TIAM1: variants seen among roughly 807,000 people sequenced by gnomAD.
TIAM1 encodes rho guanine nucleotide exchange factor TIAM1.
Under a neutral mutation model 163.5 loss-of-function variants are expected in TIAM1, and 65 were observed. The ratio of observed to expected loss-of-function variants is 0.40; its 90% CI spans 0.33 to 0.49. TIAM1 has a LOEUF of 0.49. Among genes scored for constraint, TIAM1 ranks in the 20% least tolerant of loss-of-function variants. TIAM1 has a pLI of 0.77. For missense variants in TIAM1, 1,789 were observed against 2,044.7 expected (o/e 0.87, Z 2.41); for synonymous variants, 833 against 810.1 (o/e 1.03, Z -0.48).
chr21:31,386,722 T>C (rs1199983519), intron 2 of TIAM1, among the ~76,000 whole-genome samples: 2 of 152,024 alleles, frequency 1.3e-5, no homozygotes, highest in Non-Finnish European at 2.9e-5. Context: ...GCCAGGTACA[T>C]ACATCTTAGG....
chr21:31,273,030 G>A (rs1489259539), intron 3 of TIAM1, among the ~76,000 whole-genome samples: 1 of 152,094 alleles, frequency 6.6e-6, no homozygotes, highest in Non-Finnish European at 1.5e-5. Flanking sequence ...TCTTGCCCCA[G>A]CTAATGACAA....
intron 1 of TIAM1, among the ~76,000 whole-genome samples, chr21:31,554,360 C>G (rs1293713912): frequency 6.6e-6 from 1 of 152,130 alleles, no homozygotes; most frequent in Non-Finnish European, 1.5e-5. Flanking sequence ...ATAAATAATA[C>G]AGGTGTTATT....
chr21:31,210,286 C>T, intron 10 of TIAM1, 71 bp from the exon 11 acceptor site: 2 of 1,511,140 alleles, frequency 1.3e-6, no homozygotes, highest in Non-Finnish European at 9.0e-7. Context: ...CCAGACTGCA[C>T]ACAGGAATCA....
chr21:31,396,873 C>A (rs1179249534), intron 2 of TIAM1, among the ~76,000 whole-genome samples: 1 of 151,986 alleles, frequency 6.6e-6, no homozygotes, highest in Non-Finnish European at 1.5e-5. Flanking sequence ...ATCACTTGAA[C>A]CTGGGGTGGA....
intron 19 of TIAM1, among the ~76,000 whole-genome samples, chr21:31,147,579 G>A (rs1360533017): frequency 4.0e-5 from 6 of 150,700 alleles, no homozygotes; most frequent in African/African-American, 1.5e-4. Flanking sequence ...CTGGGTAGAG[G>A]CCTTCTCATT....
At chr21:31,419,528 T>A (rs1010907799) in intron 2 of TIAM1, among the ~76,000 whole-genome samples, 8 of 152,236 alleles carry the variant, frequency 5.3e-5, no homozygotes, top group African/African-American at 1.9e-4. Context: ...CAGACGCTGA[T>A]GACAGCATTT....
intron 2 of TIAM1, among the ~76,000 whole-genome samples, chr21:31,332,762 T>C (rs1351422361): frequency 6.6e-6 from 1 of 151,538 alleles, no homozygotes; most frequent in Non-Finnish European, 1.5e-5. Context: ...ACACTATGTA[T>C]GTGATCATTA....
chr21:31,153,384 T>C (rs2083468842), intron 17 of TIAM1, among the ~76,000 whole-genome samples: 1 of 152,142 alleles, frequency 6.6e-6, no homozygotes, highest in African/African-American at 2.4e-5. Context: ...CTTCTTCAAC[T>C]GTAGCACCCA....
intron 16 of TIAM1, among the ~76,000 whole-genome samples, chr21:31,164,197 T>C (rs546087263): frequency 6.6e-6 from 1 of 152,294 alleles, no homozygotes; most frequent in East Asian, 1.9e-4. Context: ...GAGACCATCC[T>C]GGCTAACACG....
At chr21:31,515,814 A>G (rs367999087) in intron 1 of TIAM1, among the ~76,000 whole-genome samples, 2 of 152,198 alleles carry the variant, frequency 1.3e-5, no homozygotes, top group East Asian at 1.9e-4. Flanking sequence ...GTAAGATTCT[A>G]AAACACACCA....
In TIAM1 at chr21:31,359,406, T is replaced by C. The variant is rs145420840; in HGVS notation, c.-368-19984A>G. ...TAAATACATTTGTTGAGTGAACAAA[T>C]AGTATTTGCTCTTCACAAGATTAGG... On this transcript the variant is annotated intron_variant, in intron 2 of 28. Coordinates refer to the TIAM1 transcript ENST00000286827. Among the ~76,000 whole-genome samples, 168 of 152,168 alleles carry C rather than the reference T, an allele frequency of 1.1e-3. 1 individual carries two copies. Among genetic ancestry groups the C allele is most frequent in the African/African-American group, 3.8e-3 (158 of 41,502 alleles).
intron 2 of TIAM1, among the ~76,000 whole-genome samples, chr21:31,418,562 A>G (rs1267215191): frequency 6.6e-6 from 1 of 152,118 alleles, no homozygotes; most frequent in African/African-American, 2.4e-5. Flanking sequence ...GACCTGCAGC[A>G]TCCTGGCGAG....
intron 1 of TIAM1, among the ~76,000 whole-genome samples, chr21:31,556,190 CAAG>C (rs1449835938): frequency 1.3e-5 from 2 of 152,132 alleles, no homozygotes; most frequent in African/African-American, 4.8e-5. Flanking sequence ...AGAACAAGTA[CAAG>C]AAGGATGAGA....
At chr21:31,144,777 C>T (rs1373429648) in intron 20 of TIAM1, among the ~76,000 whole-genome samples, 12 of 133,160 alleles carry the variant, frequency 9.0e-5, no homozygotes, top group Non-Finnish European at 1.4e-4. Context: ...TGCAGTGAGC[C>T]GAGATCACAC....
At chr21:31,138,788 T>C (rs1464408709) in intron 22 of TIAM1, among the ~76,000 whole-genome samples, 1 of 152,212 alleles carries the variant, frequency 6.6e-6, no homozygotes, top group Non-Finnish European at 1.5e-5. Flanking sequence ...AAGACTTGAG[T>C]AAAACCAACT....
rs180896564 is a variant in TIAM1, at chr21:31,298,599, T to C, written c.-188-21691A>G. On this transcript the variant is annotated intron_variant, in intron 2 of 27. Coordinates refer to ENST00000541036, the MANE Select transcript of TIAM1 (RefSeq NM_001353694.2). ...CTCTCTAATTGTCTGTCTTCCCTCA[T>C]CTAAAACTTTCCATCAACCATAAAA... 6.2e-3 allele frequency among the ~76,000 whole-genome samples: 940 copies of C among 152,218 alleles called. 8 individuals are homozygous for C. The highest frequency in any genetic ancestry group is 0.022 in the African/African-American group (907 of 41,532).
chr21:31,318,270 G>A (rs564485807), intron 2 of TIAM1, among the ~76,000 whole-genome samples: 2 of 152,256 alleles, frequency 1.3e-5, no homozygotes, highest in African/African-American at 4.8e-5. Context: ...GCTATGTTTT[G>A]TATTTTTCAT....
intron 1 of TIAM1, among the ~76,000 whole-genome samples, chr21:31,469,709 G>A (rs1185300319): frequency 6.6e-6 from 1 of 151,910 alleles, no homozygotes; most frequent in Non-Finnish European, 1.5e-5. Flanking sequence ...GCGGGCGCCT[G>A]TAGTCCCAGC....
At chr21:31,138,633 T>C (rs1203864856) in intron 22 of TIAM1, among the ~76,000 whole-genome samples, 1 of 152,182 alleles carries the variant, frequency 6.6e-6, no homozygotes, top group Non-Finnish European at 1.5e-5. Flanking sequence ...TGGAACAGAA[T>C]TGTCATTGAT....
Sources: gnomAD v4.1 joint callset for allele counts (sites outside exome capture counted in the v4.1 genomes callset) on GRCh38, gnomAD v4.1.1 for gene constraint, MANE v1.5 for transcripts, NCBI Gene and HGNC (gene_info 2026-07-23, HGNC 2026-07-21) for gene names.